KLF17: variants seen among roughly 807,000 people sequenced by gnomAD.
The protein encoded by KLF17 is Krueppel-like factor 17.
A neutral mutation model predicts 34.2 loss-of-function variants in KLF17; 31 were observed. The observed-to-expected ratio is 0.91, with a 90% CI of 0.68 to 1.22. The LOEUF (loss-of-function observed/expected upper bound fraction) is 1.22, where lower values mean the gene tolerates loss of function less well. Among genes scored for constraint, KLF17 ranks in the 50% most tolerant of loss-of-function variants. The pLI is 0.00. For missense variants in KLF17, 478 were observed against 505.2 expected (o/e 0.95, Z 0.52); for synonymous variants, 179 against 186.7 (o/e 0.96, Z 0.34).
chr1:44,127,692 T>TTCTTTCTTTCTTTTTC (rs753421834), intron 1 of KLF17, among the ~76,000 whole-genome samples: 196 of 90,092 alleles, frequency 2.2e-3, no homozygotes, highest in Middle Eastern at 0.01. Context: ...CTTTCTTTCT[T>TTCTTTCTTTCTTTTTC]TTTCTTTCTT....
the KLF17 span, among the ~76,000 whole-genome samples, chr1:44,087,545 C>T: frequency 1.3e-4 from 20 of 150,890 alleles, no homozygotes; most frequent in South Asian, 6.3e-4. Context: ...ATTATAGGTG[C>T]GAGCCACCAC....
At chr1:44,058,171 T>C in the KLF17 span, among the ~76,000 whole-genome samples, 1 of 152,238 alleles carries the variant, frequency 6.6e-6, no homozygotes, top group Admixed American at 6.5e-5. Context: ...TCACCCCTCC[T>C]GGAGACCTCA....
the KLF17 span, among the ~76,000 whole-genome samples, chr1:44,055,146 A>T: frequency 6.6e-6 from 1 of 152,148 alleles, no homozygotes; most frequent in Non-Finnish European, 1.5e-5. Context: ...GGGGAGTCTG[A>T]GACACCCAGA....
At chr1:44,122,210 G>A in intron 1 of KLF17, 1 of 1,600,740 alleles carries the variant, frequency 6.2e-7, no homozygotes. Context: ...CTCTTCCTCT[G>A]CCTCTGCCTC....
the KLF17 span, among the ~76,000 whole-genome samples, chr1:44,054,146 A>G: frequency 4.1e-3 from 627 of 152,304 alleles, 6 homozygotes; most frequent in African/African-American, 0.015. Flanking sequence ...ATGCAGACCC[A>G]GACTCCCCAG....
intron 3 of KLF17, among the ~76,000 whole-genome samples, chr1:44,131,521 A>G (rs1383469172): frequency 5.3e-5 from 8 of 152,120 alleles, no homozygotes; most frequent in Admixed American, 5.2e-4. Context: ...TGAAAAAACT[A>G]GTTTTGTACT....
the KLF17 span, among the ~76,000 whole-genome samples, chr1:44,105,854 G>A: frequency 1.9e-3 from 296 of 152,262 alleles, no homozygotes; most frequent in Non-Finnish European, 3.6e-3. Flanking sequence ...AGAAGCTAGA[G>A]CATTTCCAAG....
At chr1:44,074,219 C>A in the KLF17 span, among the ~76,000 whole-genome samples, 203 of 152,124 alleles carry the variant, frequency 1.3e-3, 1 homozygote, top group African/African-American at 4.5e-3. Flanking sequence ...TCCCCCGTAC[C>A]ATCCTCACCC....
chr1:44,069,086 G>A, the KLF17 span, among the ~76,000 whole-genome samples: 2 of 152,100 alleles, frequency 1.3e-5, no homozygotes, highest in Non-Finnish European at 2.9e-5. The surrounding 1 kb of genome is among the most constrained non-coding windows in gnomAD (Gnocchi z 4.7). Context: ...ATGTGGAGAG[G>A]TAAAAGTCTG....
intron 3 of KLF17, among the ~76,000 whole-genome samples, chr1:44,131,798 G>T (rs764372780): frequency 1.3e-5 from 2 of 152,112 alleles, no homozygotes; most frequent in Non-Finnish European, 2.9e-5. Flanking sequence ...GGGTTCAAAC[G>T]ATTCTCCTGC....
the KLF17 span, among the ~76,000 whole-genome samples, chr1:44,080,713 A>ATTTT: frequency 9.4e-4 from 87 of 92,640 alleles, 1 homozygote; most frequent in African/African-American, 2.9e-3. Context: ...ATTATATTGA[A>ATTTT]TTTTTTTTTT....
chr1:44,109,801 ACTAT>A, the KLF17 span, among the ~76,000 whole-genome samples: 4 of 152,098 alleles, frequency 2.6e-5, no homozygotes, highest in Admixed American at 6.6e-5. Context: ...GGCATGGAGA[ACTAT>A]CTATTATATA....
chr1:44,080,450 G>C, the KLF17 span, among the ~76,000 whole-genome samples: 13 of 151,438 alleles, frequency 8.6e-5, no homozygotes, highest in Non-Finnish European at 1.8e-4. Context: ...ATGTTAGCCA[G>C]TATGGTCTCC....
upstream of KLF17, among the ~76,000 whole-genome samples, chr1:44,117,742 G>A (rs539860179): frequency 2.0e-5 from 3 of 152,122 alleles, no homozygotes; most frequent in African/African-American, 7.2e-5. Flanking sequence ...TGATCTGCCC[G>A]CCTCAGCCTC....
the KLF17 span, among the ~76,000 whole-genome samples, chr1:44,082,199 T>C: frequency 6.6e-6 from 1 of 152,102 alleles, no homozygotes; most frequent in African/African-American, 2.4e-5. Flanking sequence ...ACAGATGAAA[T>C]AAGTCCCAGT....
chr1:44,088,381 T>G, the KLF17 span: 1 of 152,414 alleles, frequency 6.6e-6, no homozygotes, highest in African/African-American at 2.4e-5. Flanking sequence ...CCTCCCAAAG[T>G]GTTGGGATTA....
the KLF17 span, among the ~76,000 whole-genome samples, chr1:44,050,666 C>G: frequency 6.6e-6 from 1 of 152,198 alleles, no homozygotes; most frequent in Non-Finnish European, 1.5e-5. Context: ...CCTATAATCC[C>G]ACCACTTTGG....
chr1:44,120,592 G>T (rs1052970067), intron 1 of KLF17, among the ~76,000 whole-genome samples: 9 of 152,180 alleles, frequency 5.9e-5, no homozygotes, highest in African/African-American at 2.2e-4. Flanking sequence ...ATGAAAGCTG[G>T]TTCTGTGGAG....
At chr1:44,121,513 AAG>A (rs1473450774) in intron 1 of KLF17, among the ~76,000 whole-genome samples, 1 of 152,242 alleles carries the variant, frequency 6.6e-6, no homozygotes, top group Non-Finnish European at 1.5e-5. Flanking sequence ...ACCAGAATTT[AAG>A]ACCATACACT....
Sources: gnomAD v4.1 joint callset for allele counts (sites outside exome capture counted in the v4.1 genomes callset) on GRCh38, gnomAD v4.1.1 for gene constraint, Gnocchi (gnomAD v3.1) non-coding constraint, MANE v1.5 for transcripts, NCBI Gene and HGNC (gene_info 2026-07-23, HGNC 2026-07-21) for gene names.